Variants in RALGPS1 observed in about 807,000 individuals in gnomAD.
RALGPS1 encodes Ral GEF with PH domain and SH3 binding motif 1, also known as ras-specific guanine nucleotide-releasing factor RalGPS1.
RALGPS1 carries 19 observed loss-of-function variants against 78.8 expected under a neutral mutation model. The observed-to-expected ratio is 0.24, with a 90% confidence interval of 0.17 to 0.35. The LOEUF (loss-of-function observed/expected upper bound fraction) is 0.35, where lower values mean the gene tolerates loss of function less well. Ranked by LOEUF, RALGPS1 falls within the 10% of genes least tolerant of loss-of-function variation. RALGPS1 has a pLI of 1.00. For synonymous variants in RALGPS1, 228 were observed against 256.3 expected (o/e 0.89, Z 1.06); for missense variants, 454 against 688.3 (o/e 0.66, Z 3.81).
Position 127,037,599 on chromosome 9 carries a change from G to A in RALGPS1, c.300+3085G>A, listed in dbSNP as rs114789186. Among the ~76,000 whole-genome samples the A allele has an allele frequency of 8.0e-3, 1,214 of 152,328 alleles. 24 individuals are homozygous for A. The highest frequency in any genetic ancestry group is 0.028 in the African/African-American group (1,148 of 41,572). ...GTGGGGACAGTACCATCTGAACTTG[G>A]TCTTGCTCTCTCCACCTCCAGGTTC... is the stretch of plus-strand genomic sequence containing the variant. On this transcript the variant is annotated intron_variant, in intron 5 of 18. Transcript: ENST00000259351.
chr9:127,204,450 A>G lies in RALGPS1; in HGVS notation c.1247+5384A>G, dbSNP rs1435349882. ...TGGAGACTTTTATGAATTTCCCTCAATAGGTACTACTTACCACCAAGAAAG... is the reference window on the plus strand; with the variant it reads ...TGGAGACTTTTATGAATTTCCCTCAGTAGGTACTACTTACCACCAAGAAAG... On this transcript the variant is annotated intron_variant, in intron 14 of 18. Coordinates refer to ENST00000259351, the MANE Select transcript of RALGPS1 (RefSeq NM_014636.3). Among the ~76,000 whole-genome samples the G allele has an allele frequency of 2.0e-5, 3 of 152,118 alleles. No homozygotes were observed. The East Asian group carries it at 5.8e-4, about 29-fold the overall frequency.
chr9:127,024,232 T>A (rs1380110311), intron 4 of RALGPS1, among the ~76,000 whole-genome samples: 2 of 151,900 alleles, frequency 1.3e-5, no homozygotes, highest in African/African-American at 4.8e-5. Flanking sequence ...CTACTAAAAA[T>A]TATTTTTTCC....
At chr9:127,217,210 T>C (rs2062634097) in intron 18 of RALGPS1, 9 of 1,224,986 alleles carry the variant, frequency 7.3e-6, no homozygotes, top group Non-Finnish European at 8.1e-6. Flanking sequence ...GTTTTAAGGA[T>C]TTTTGTCTGA....
intron 8 of RALGPS1, among the ~76,000 whole-genome samples, chr9:127,109,692 A>G (rs117574231): frequency 6.6e-6 from 1 of 152,242 alleles, no homozygotes; most frequent in East Asian, 1.9e-4. Context: ...GCTGGACAGC[A>G]TGCTAGTGGC....
At chr9:127,006,520 A>G (rs1451494959) in intron 4 of RALGPS1, among the ~76,000 whole-genome samples, 1 of 152,204 alleles carries the variant, frequency 6.6e-6, no homozygotes, top group Non-Finnish European at 1.5e-5. Flanking sequence ...GGAGTGTTTC[A>G]CAATTCCACT....
At chr9:127,048,022 C>T (rs1327489797) in intron 5 of RALGPS1, among the ~76,000 whole-genome samples, 2 of 152,174 alleles carry the variant, frequency 1.3e-5, no homozygotes, top group Non-Finnish European at 2.9e-5. Flanking sequence ...GAGACCATTG[C>T]ATCAGTTTTC....
At chr9:127,019,476 C>T (rs571880194) in intron 4 of RALGPS1, among the ~76,000 whole-genome samples, 4 of 151,922 alleles carry the variant, frequency 2.6e-5, no homozygotes, top group African/African-American at 4.8e-5. Flanking sequence ...TACAGGTGCC[C>T]GCCACCATGC....
intron 8 of RALGPS1, among the ~76,000 whole-genome samples, chr9:127,157,272 C>A (rs1805600717): frequency 6.6e-6 from 1 of 152,060 alleles, no homozygotes; most frequent in Non-Finnish European, 1.5e-5. Flanking sequence ...GTCTTCCCAT[C>A]TAAGAATATT....
chr9:127,123,257 G>A (rs949598511), intron 8 of RALGPS1, among the ~76,000 whole-genome samples: 1 of 152,270 alleles, frequency 6.6e-6, no homozygotes, highest in Non-Finnish European at 1.5e-5. Flanking sequence ...GCAGGAGGCA[G>A]TGGCTTAGGA....
At chr9:126,961,963 C>T (rs2038936588) in intron 1 of RALGPS1, among the ~76,000 whole-genome samples, 1 of 152,118 alleles carries the variant, frequency 6.6e-6, no homozygotes, top group Admixed American at 6.5e-5. Context: ...CCCAGTATTG[C>T]CAGAAAAGTC....
chr9:127,181,843 A>G (rs1040513180), intron 11 of RALGPS1, among the ~76,000 whole-genome samples: 1 of 151,804 alleles, frequency 6.6e-6, no homozygotes, highest in Non-Finnish European at 1.5e-5. Flanking sequence ...GGCCAGAGGT[A>G]GGTTTGAGTC....
At chr9:127,098,867 G>A (rs1318892275) in intron 8 of RALGPS1, among the ~76,000 whole-genome samples, 1 of 152,240 alleles carries the variant, frequency 6.6e-6, no homozygotes, top group African/African-American at 2.4e-5. Context: ...CTGTGGGTCT[G>A]GGGCAGACCA....
intron 11 of RALGPS1, among the ~76,000 whole-genome samples, chr9:127,186,344 T>C (rs983445019): frequency 6.6e-6 from 1 of 152,250 alleles, no homozygotes; most frequent in Admixed American, 6.5e-5. Flanking sequence ...TGGTCAGTTT[T>C]TCCAGCTGTC....
At chr9:127,194,619 G>T (rs148089567) in intron 11 of RALGPS1, among the ~76,000 whole-genome samples, 41 of 152,210 alleles carry the variant, frequency 2.7e-4, no homozygotes, top group African/African-American at 8.7e-4. Flanking sequence ...CACCATGTTG[G>T]CCAGGCTGGT....
intron 1 of RALGPS1, among the ~76,000 whole-genome samples, chr9:126,928,358 T>C (rs1255043228): frequency 2.0e-5 from 3 of 152,142 alleles, no homozygotes; most frequent in African/African-American, 7.2e-5. Context: ...TGCCTTTTGC[T>C]TCTTAGGGAA....
intron 1 of RALGPS1, among the ~76,000 whole-genome samples, chr9:126,925,253 G>A (rs2935991): frequency 0.64 from 97,909 of 151,866 alleles, 33,241 homozygotes; most frequent in East Asian, 0.81. Context: ...TACATATAAA[G>A]GTAATTACAG....
intron 1 of RALGPS1, among the ~76,000 whole-genome samples, chr9:126,925,739 AGAG>A (rs2035215653): frequency 6.6e-6 from 1 of 152,150 alleles, no homozygotes; most frequent in South Asian, 2.1e-4. Context: ...TGTCTGCAAA[AGAG>A]GAGTATAAGG....
chr9:127,040,972 A>T (rs1186352585), intron 5 of RALGPS1, among the ~76,000 whole-genome samples: 2 of 151,506 alleles, frequency 1.3e-5, no homozygotes, highest in African/African-American at 4.8e-5. Flanking sequence ...ACTGAAGGAC[A>T]TCTCAGTTAC....
At chr9:126,961,946 A>G (rs2038935247) in intron 1 of RALGPS1, among the ~76,000 whole-genome samples, 1 of 152,228 alleles carries the variant, frequency 6.6e-6, no homozygotes. Context: ...CCATACAGTA[A>G]AATGGGCCCA....
Sources: allele counts gnomAD v4.1 joint callset (sites outside exome capture counted in the v4.1 genomes callset), GRCh38; gene constraint gnomAD v4.1.1; transcripts MANE v1.5; gene names NCBI Gene and HGNC (gene_info 2026-07-23, HGNC 2026-07-21).